Variants in LRRC69 observed in about 807,000 individuals in gnomAD.
The protein encoded by LRRC69 is leucine-rich repeat-containing protein 69.
Under a neutral mutation model 37.8 loss-of-function variants are expected in LRRC69, and 42 were observed. That is an observed-to-expected ratio of 1.11 (90% CI 0.87 to 1.44). The LOEUF (loss-of-function observed/expected upper bound fraction) is 1.44, where lower values mean the gene tolerates loss of function less well. LRRC69 is among the 40% of genes most tolerant of loss of function. The pLI is 0.00. For missense variants in LRRC69, 357 were observed against 401.9 expected, an observed-to-expected ratio of 0.89 and a Z score of 0.96; for synonymous variants, 141 against 143.1, an observed-to-expected ratio of 0.99 and a Z score of 0.11.
chr8:91,183,623 AAAG>A (rs987955385), intron 5 of LRRC69, among the ~76,000 whole-genome samples: 3 of 152,164 alleles, frequency 2.0e-5, no homozygotes, highest in South Asian at 2.1e-4. Flanking sequence ...GTAAAAAAAA[AAAG>A]AAGAAGATAA....
At chr8:91,148,347 C>T (rs535291152) in intron 5 of LRRC69, among the ~76,000 whole-genome samples, 1 of 151,326 alleles carries the variant, frequency 6.6e-6, no homozygotes, top group African/African-American at 2.4e-5. Context: ...GTTTTTTGTC[C>T]TTGTGATAGT....
chr8:91,165,651 A>G (rs192190224), intron 5 of LRRC69, among the ~76,000 whole-genome samples: 7 of 151,844 alleles, frequency 4.6e-5, no homozygotes, highest in Non-Finnish European at 4.4e-5. Flanking sequence ...TTCAAGTCAC[A>G]TGTACAACTC....
chr8:91,173,165 A>T (rs1809164005), intron 5 of LRRC69, among the ~76,000 whole-genome samples: 1 of 151,828 alleles, frequency 6.6e-6, no homozygotes, highest in Non-Finnish European at 1.5e-5. Flanking sequence ...TAGTGTGGCT[A>T]TGGGGTAGAG....
chr8:91,197,436 C>T (rs1220675889), intron 6 of LRRC69, among the ~76,000 whole-genome samples: 1 of 152,126 alleles, frequency 6.6e-6, no homozygotes, highest in Non-Finnish European at 1.5e-5. Flanking sequence ...GCGCCCCTCC[C>T]CCAGCCTCGC....
chr8:91,177,828 A>C (rs997166856), intron 5 of LRRC69, among the ~76,000 whole-genome samples: 4 of 150,506 alleles, frequency 2.7e-5, no homozygotes, highest in African/African-American at 7.3e-5. Context: ...TTATTCTCTA[A>C]TACTAAATGT....
chr8:91,191,759 A>G (rs149499807), intron 6 of LRRC69, among the ~76,000 whole-genome samples: 3 of 152,302 alleles, frequency 2.0e-5, no homozygotes, highest in African/African-American at 4.8e-5. Context: ...CAAGGACAAG[A>G]ACCTTGTCTG....
chr8:91,158,601 T>C, intron 5 of LRRC69: 2 of 1,411,846 alleles, frequency 1.4e-6, no homozygotes, highest in Non-Finnish European at 2.0e-6. Context: ...TTCTGATGTC[T>C]TTGACATTTT....
intron 7 of LRRC69, 43 bp downstream of exon 7, chr8:91,200,835 C>T: frequency 6.9e-7 from 1 of 1,454,234 alleles, no homozygotes; most frequent in Non-Finnish European, 9.2e-7. Context: ...AATACTGATT[C>T]CTATCCTTTG....
intron 6 of LRRC69, among the ~76,000 whole-genome samples, chr8:91,191,571 G>A (rs1241801105): frequency 1.3e-5 from 2 of 152,300 alleles, no homozygotes; most frequent in African/African-American, 4.8e-5. Flanking sequence ...TTGGGACAAT[G>A]ACGCCAACTT....
intron 1 of LRRC69, among the ~76,000 whole-genome samples, chr8:91,112,126 G>T (rs944785807): frequency 6.6e-6 from 1 of 151,880 alleles, no homozygotes; most frequent in East Asian, 1.9e-4. Flanking sequence ...AAACAATAAA[G>T]AATTTTTATC....
intron 4 of LRRC69, among the ~76,000 whole-genome samples, chr8:91,134,483 T>C (rs866156467): frequency 1.1e-5 from 1 of 89,708 alleles, no homozygotes; most frequent in African/African-American, 4.8e-5. Context: ...GAGAGGAAAT[T>C]ACATTTTTTT....
At chr8:91,196,436 G>A (rs1355108781) in intron 6 of LRRC69, among the ~76,000 whole-genome samples, 2 of 151,912 alleles carry the variant, frequency 1.3e-5, no homozygotes, top group African/African-American at 4.8e-5. Flanking sequence ...ATCCTGCAGA[G>A]TGTTTTCCAA....
At chr8:91,138,534 A>G (rs896866843) in intron 5 of LRRC69, among the ~76,000 whole-genome samples, 4 of 147,120 alleles carry the variant, frequency 2.7e-5, no homozygotes, top group Admixed American at 6.7e-5. Context: ...AGAAAATGCA[A>G]TTTTTTTCAG....
At chr8:91,145,192 A>G (rs1808596832) in intron 5 of LRRC69, among the ~76,000 whole-genome samples, 1 of 151,974 alleles carries the variant, frequency 6.6e-6, no homozygotes, top group African/African-American at 2.4e-5. Flanking sequence ...ACTCCTATCA[A>G]AACTTTTGAA....
At chr8:91,159,976 AC>A (rs1344780493) in intron 5 of LRRC69, among the ~76,000 whole-genome samples, 2 of 151,118 alleles carry the variant, frequency 1.3e-5, no homozygotes, top group Non-Finnish European at 3.0e-5. Context: ...AAACAAAACA[AC>A]AACAACAACA....
chr8:91,111,595 T>TG (rs1258791800), intron 1 of LRRC69, among the ~76,000 whole-genome samples: 1 of 152,078 alleles, frequency 6.6e-6, no homozygotes, highest in South Asian at 2.1e-4. Flanking sequence ...TGGATGGAGC[T>TG]GAAGGCCATT....
intron 5 of LRRC69, among the ~76,000 whole-genome samples, chr8:91,148,672 G>T (rs201593527): frequency 4.0e-4 from 61 of 151,920 alleles, no homozygotes; most frequent in African/African-American, 1.0e-3. Context: ...ACTTCCACAA[G>T]GGTTGAACTA....
At chr8:91,178,481 A>G (rs1809273239) in intron 5 of LRRC69, among the ~76,000 whole-genome samples, 1 of 152,080 alleles carries the variant, frequency 6.6e-6, no homozygotes, top group Non-Finnish European at 1.5e-5. Context: ...AAATTTTCAG[A>G]CAGTACAATT....
At chr8:91,173,053 G>C (rs1001170890) in intron 5 of LRRC69, among the ~76,000 whole-genome samples, 14 of 151,964 alleles carry the variant, frequency 9.2e-5, no homozygotes, top group African/African-American at 3.4e-4. Context: ...GGTGTTGCCA[G>C]CTACTCACGG....
Sources: gnomAD v4.1 joint callset for allele counts (sites outside exome capture counted in the v4.1 genomes callset) on GRCh38, gnomAD v4.1.1 for gene constraint, MANE v1.5 for transcripts, NCBI Gene and HGNC (gene_info 2026-07-23, HGNC 2026-07-21) for gene names.